The following RGL1 variants were observed in gnomAD, a reference collection of about 807,000 sequenced individuals.
RGL1 encodes the protein ral guanine nucleotide dissociation stimulator like 1, also known as ral guanine nucleotide dissociation stimulator-like 1.
RGL1 carries 24 observed loss-of-function variants against 95.2 expected under a neutral mutation model. The observed-to-expected ratio is 0.25, with a 90% confidence interval of 0.18 to 0.35. The LOEUF (loss-of-function observed/expected upper bound fraction) is 0.35, where lower values mean the gene tolerates loss of function less well. Ranked by LOEUF, RGL1 falls within the 10% of genes least tolerant of loss-of-function variation. The probability of loss-of-function intolerance (pLI) is 1.00; values close to 1 mark genes in which losing one functional copy is unlikely to be tolerated. For synonymous variants in RGL1, 329 were observed against 344.9 expected, an observed-to-expected ratio of 0.95 and a Z score of 0.51; for missense variants, 715 against 936.3, an observed-to-expected ratio of 0.76 and a Z score of 3.08.
chr1:183,752,701 TC>T (rs1658094308), intron 2 of RGL1, among the ~76,000 whole-genome samples: 1 of 149,128 alleles, frequency 6.7e-6, no homozygotes, highest in African/African-American at 2.5e-5. Flanking sequence ...TCTCTCTCTC[TC>T]TCTTTCCCCT....
intron 17 of RGL1, 106 bp from the exon 18 acceptor site, chr1:183,925,999 G>C: frequency 2.2e-6 from 2 of 897,040 alleles, no homozygotes; most frequent in South Asian, 3.9e-5. Flanking sequence ...CAGAGATGAA[G>C]GGCCGTAGTC....
In RGL1 at chr1:183,897,262, G is replaced by T. The variant is rs527544067; in HGVS notation, c.1141-546G>T. Reference sequence around the variant, plus strand: ...AGTAAGGGGAAGGCCAGGTGTGGTGGCTGGCTCATGCCTGTAATCCCAGCA... The same window carrying T: ...AGTAAGGGGAAGGCCAGGTGTGGTGTCTGGCTCATGCCTGTAATCCCAGCA... On this transcript the variant is annotated intron_variant, in intron 9 of 17. Coordinates refer to ENST00000360851, the MANE Select transcript of RGL1 (RefSeq NM_001297671.3). 1.7e-3 allele frequency among the ~76,000 whole-genome samples: 260 copies of T among 152,318 alleles called. 1 individual carries two copies. The highest frequency in any genetic ancestry group is 3.1e-3 in the Non-Finnish European group (213 of 68,030).
At chr1:183,719,893 G>A (rs1305303441) in intron 1 of RGL1, among the ~76,000 whole-genome samples, 1 of 152,018 alleles carries the variant, frequency 6.6e-6, no homozygotes, top group African/African-American at 2.4e-5. Flanking sequence ...GCAACAAAGT[G>A]AGACTCCATC....
At chr1:183,642,286 C>T (rs1483415930) in intron 1 of RGL1, among the ~76,000 whole-genome samples, 3 of 152,066 alleles carry the variant, frequency 2.0e-5, no homozygotes, top group Non-Finnish European at 1.5e-5. Context: ...TATTTAATTC[C>T]CAGAGTAGCT....
At chr1:183,870,743 C>G (rs1666135494) in intron 4 of RGL1, among the ~76,000 whole-genome samples, 1 of 152,138 alleles carries the variant, frequency 6.6e-6, no homozygotes, top group African/African-American at 2.4e-5. Flanking sequence ...TATTGAGGCT[C>G]TAGTTCTCAA....
intron 2 of RGL1, among the ~76,000 whole-genome samples, chr1:183,780,203 G>C (rs1659824965): frequency 6.6e-6 from 1 of 152,118 alleles, no homozygotes; most frequent in South Asian, 2.1e-4. Flanking sequence ...AATATGCTTT[G>C]CGTCATTTTT....
chr1:183,777,462 A>T (rs923559374), intron 2 of RGL1, among the ~76,000 whole-genome samples: 4 of 152,198 alleles, frequency 2.6e-5, no homozygotes, highest in Non-Finnish European at 5.9e-5. Context: ...GCAGGGATGA[A>T]GGAGGATTAC....
chr1:183,800,950 G>A (rs1419213657), upstream of RGL1, among the ~76,000 whole-genome samples: 1 of 152,186 alleles, frequency 6.6e-6, no homozygotes, highest in East Asian at 1.9e-4. Flanking sequence ...GAACATGGAA[G>A]TGCAAGTATC....
chr1:183,808,329 C>T (rs1366565419), intron 2 of RGL1, among the ~76,000 whole-genome samples: 1 of 152,148 alleles, frequency 6.6e-6, no homozygotes, highest in Admixed American at 6.5e-5. Context: ...ATATGAAATA[C>T]TGAGAAGGAG....
At chr1:183,784,463 C>G (rs915795983) in intron 2 of RGL1, among the ~76,000 whole-genome samples, 2 of 152,204 alleles carry the variant, frequency 1.3e-5, no homozygotes, top group African/African-American at 4.8e-5. Context: ...TGGGCCCCAG[C>G]CCCAGAGGGA....
intron 1 of RGL1, among the ~76,000 whole-genome samples, chr1:183,708,246 G>C (rs867772433): frequency 1.3e-5 from 2 of 152,100 alleles, no homozygotes; most frequent in Non-Finnish European, 1.5e-5. Context: ...CCATAACGGA[G>C]GGTAGGCTCG....
intron 5 of RGL1, among the ~76,000 whole-genome samples, chr1:183,883,452 A>T (rs545736978): frequency 6.6e-6 from 1 of 152,330 alleles, no homozygotes; most frequent in Non-Finnish European, 1.5e-5. Context: ...TAGTTGGATT[A>T]GTCCTGGAGC....
intron 2 of RGL1, among the ~76,000 whole-genome samples, chr1:183,744,251 A>G (rs1657486153): frequency 6.6e-6 from 1 of 152,222 alleles, no homozygotes; most frequent in South Asian, 2.1e-4. Context: ...CTAGTTTTGA[A>G]CATGTAAAAT....
At chr1:183,748,227 T>A (rs1657765812) in intron 2 of RGL1, among the ~76,000 whole-genome samples, 1 of 152,056 alleles carries the variant, frequency 6.6e-6, no homozygotes, top group Non-Finnish European at 1.5e-5. Context: ...TTCGTCTTTA[T>A]TAGTCTGGCT....
chr1:183,786,557 T>TCA (rs1185914005), intron 2 of RGL1, among the ~76,000 whole-genome samples: 1 of 152,180 alleles, frequency 6.6e-6, no homozygotes, highest in African/African-American at 2.4e-5. Flanking sequence ...CCTTTGAGTG[T>TCA]CACATTGGCA....
At chr1:183,794,946 T>C (rs530241922) in intron 2 of RGL1, among the ~76,000 whole-genome samples, 96 of 152,216 alleles carry the variant, frequency 6.3e-4, no homozygotes, top group Non-Finnish European at 6.6e-4. Context: ...TCTTTATGCC[T>C]TTTCTCTGCT....
intron 12 of RGL1, among the ~76,000 whole-genome samples, chr1:183,904,283 C>T (rs1258828492): frequency 6.6e-6 from 1 of 151,864 alleles, no homozygotes; most frequent in African/African-American, 2.4e-5. Flanking sequence ...TAGTAAAAAC[C>T]CAAGGATTCA....
At chr1:183,870,942 C>G (rs991919326) in intron 4 of RGL1, among the ~76,000 whole-genome samples, 1 of 152,194 alleles carries the variant, frequency 6.6e-6, no homozygotes, top group African/African-American at 2.4e-5. Context: ...CCTTCTCTAT[C>G]ACTCTGTCAC....
chr1:183,780,276 C>T (rs1659830054), intron 2 of RGL1, among the ~76,000 whole-genome samples: 1 of 152,130 alleles, frequency 6.6e-6, no homozygotes, highest in Admixed American at 6.5e-5. Context: ...TCCTTGTCGT[C>T]AAGGGCATCC....
Sources: gnomAD v4.1 joint callset for allele counts (sites outside exome capture counted in the v4.1 genomes callset) on GRCh38, gnomAD v4.1.1 for gene constraint, MANE v1.5 for transcripts, NCBI Gene and HGNC (gene_info 2026-07-23, HGNC 2026-07-21) for gene names.